CSGALNACT1: variants seen among roughly 807,000 people sequenced by gnomAD.
CSGALNACT1 encodes the protein beta4GalNAcT-1.
In CSGALNACT1, 52 loss-of-function variants were observed where a neutral mutation model predicts 51.0. The ratio of observed to expected loss-of-function variants is 1.02; its 90% CI spans 0.82 to 1.29. CSGALNACT1 has a LOEUF of 1.29. CSGALNACT1 is among the 50% of genes most tolerant of loss of function. The probability of loss-of-function intolerance (pLI) is 0.00; values close to 1 mark genes in which losing one functional copy is unlikely to be tolerated. For synonymous variants in CSGALNACT1, 341 were observed against 254.4 expected (o/e 1.34, Z -3.24); for missense variants, 935 against 679.2 (o/e 1.38, Z -4.19).
intron 4 of CSGALNACT1, among the ~76,000 whole-genome samples, chr8:19,491,876 A>G (rs1383125836): frequency 2.0e-5 from 3 of 152,216 alleles, no homozygotes; most frequent in South Asian, 2.1e-4. Flanking sequence ...CACACTTTAC[A>G]TGAGTCCACA....
At chr8:19,677,315 T>A (rs1440957923) in intron 1 of CSGALNACT1, among the ~76,000 whole-genome samples, 3 of 152,232 alleles carry the variant, frequency 2.0e-5, no homozygotes, top group African/African-American at 7.2e-5. Flanking sequence ...TTTGCCATGT[T>A]GGCTAGGCTG....
At chr8:19,483,022 C>T (rs2071874546) in intron 4 of CSGALNACT1, among the ~76,000 whole-genome samples, 1 of 152,180 alleles carries the variant, frequency 6.6e-6, no homozygotes. Context: ...CAGTGACATT[C>T]ACATAGATGT....
At chr8:19,638,629 C>T (rs181222493) in intron 1 of CSGALNACT1, among the ~76,000 whole-genome samples, 2 of 151,758 alleles carry the variant, frequency 1.3e-5, no homozygotes, top group African/African-American at 4.8e-5. Flanking sequence ...AAAAGACTAA[C>T]CCAACTGGAA....
intron 1 of CSGALNACT1, among the ~76,000 whole-genome samples, chr8:19,726,555 C>T (rs1351175263): frequency 2.0e-5 from 3 of 152,126 alleles, no homozygotes; most frequent in East Asian, 1.9e-4. Context: ...AACATATCAT[C>T]ACCTCACATG....
At chr8:19,715,097 G>A (rs908968859) in intron 1 of CSGALNACT1, among the ~76,000 whole-genome samples, 1 of 152,128 alleles carries the variant, frequency 6.6e-6, no homozygotes, top group Admixed American at 6.5e-5. Flanking sequence ...CATGGTGGGA[G>A]GTGAAAGGTA....
intron 5 of CSGALNACT1, among the ~76,000 whole-genome samples, chr8:19,451,019 G>A (rs1211603193): frequency 6.6e-5 from 10 of 152,226 alleles, no homozygotes; most frequent in Non-Finnish European, 1.0e-4. Context: ...AAGGGGTGCA[G>A]TGGGGCTTTT....
chr8:19,405,912 C>A, exon 10 of CSGALNACT1: 2 of 1,614,178 alleles, frequency 1.2e-6, no homozygotes, highest in Non-Finnish European at 1.7e-6. Context: ...ACATCTTGTA[C>A]TGCTCGGGGG....
intron 1 of CSGALNACT1, among the ~76,000 whole-genome samples, chr8:19,643,967 T>A (rs538941662): frequency 6.6e-6 from 1 of 152,230 alleles, no homozygotes; most frequent in Non-Finnish European, 1.5e-5. Flanking sequence ...CAAACAGTCA[T>A]AAATGTGGAC....
At chr8:19,427,459 G>A (rs1360417661) in intron 6 of CSGALNACT1, among the ~76,000 whole-genome samples, 1 of 152,174 alleles carries the variant, frequency 6.6e-6, no homozygotes, top group African/African-American at 2.4e-5. Context: ...TCAAACATCT[G>A]GCATGAGGCC....
intron 1 of CSGALNACT1, among the ~76,000 whole-genome samples, chr8:19,639,222 A>G (rs62494483): frequency 1.3e-5 from 2 of 152,234 alleles, no homozygotes; most frequent in Non-Finnish European, 2.9e-5. Flanking sequence ...CAACAATAAC[A>G]GGCTTTATGT....
chr8:19,578,458 C>T (rs149678456), intron 3 of CSGALNACT1, among the ~76,000 whole-genome samples: 5 of 152,254 alleles, frequency 3.3e-5, no homozygotes, highest in African/African-American at 1.2e-4. Flanking sequence ...TGGAGTGAAT[C>T]ATCCTCTGTT....
intron 3 of CSGALNACT1, among the ~76,000 whole-genome samples, chr8:19,581,312 T>C (rs1564137180): frequency 3.3e-5 from 5 of 152,204 alleles, no homozygotes; most frequent in Admixed American, 1.3e-4. Flanking sequence ...GCCTGACTCA[T>C]AGTTTCATAC....
intron 1 of CSGALNACT1, among the ~76,000 whole-genome samples, chr8:19,680,193 A>G (rs2060492152): frequency 2.6e-5 from 4 of 152,244 alleles, no homozygotes; most frequent in Admixed American, 2.6e-4. Context: ...CTCTGCATCC[A>G]TGGACTCAAC....
chr8:19,417,107 G>C (rs868045806), intron 8 of CSGALNACT1, among the ~76,000 whole-genome samples: 2 of 151,972 alleles, frequency 1.3e-5, no homozygotes, highest in Admixed American at 1.3e-4. Flanking sequence ...TGCCCATCTC[G>C]GCCTCCCAAA....
chr8:19,542,200 A>ACACAC (rs2085353982), intron 3 of CSGALNACT1, among the ~76,000 whole-genome samples: 1 of 143,940 alleles, frequency 6.9e-6, no homozygotes, highest in African/African-American at 2.6e-5. Flanking sequence ...CAGCACAAGA[A>ACACAC]ACACACACAC....
intron 3 of CSGALNACT1, among the ~76,000 whole-genome samples, chr8:19,556,583 C>T (rs1422891258): frequency 6.6e-6 from 1 of 152,100 alleles, no homozygotes; most frequent in Non-Finnish European, 1.5e-5. Context: ...GTGTTGTGCT[C>T]TAGTCAATTT....
intron 1 of CSGALNACT1, among the ~76,000 whole-genome samples, chr8:19,609,785 G>C (rs1213577969): frequency 1.3e-5 from 2 of 152,132 alleles, no homozygotes; most frequent in African/African-American, 4.8e-5. Flanking sequence ...GTATACATAT[G>C]TCAAAACAAA....
chr8:19,715,618 G>A (rs968822190), intron 1 of CSGALNACT1, among the ~76,000 whole-genome samples: 26 of 152,276 alleles, frequency 1.7e-4, no homozygotes, highest in Middle Eastern at 3.4e-3. Context: ...ATAATAGAAC[G>A]ATTTTATCTT....
At chr8:19,753,042 A>G (rs534462452) in intron 1 of CSGALNACT1, among the ~76,000 whole-genome samples, 1 of 152,262 alleles carries the variant, frequency 6.6e-6, no homozygotes, top group Non-Finnish European at 1.5e-5. Flanking sequence ...CCCATCCTGC[A>G]TAAAGCTTTG....
Sources: gnomAD v4.1 joint callset for allele counts (sites outside exome capture counted in the v4.1 genomes callset) on GRCh38, gnomAD v4.1.1 for gene constraint, MANE v1.5 for transcripts, NCBI Gene and HGNC (gene_info 2026-07-23, HGNC 2026-07-21) for gene names.